Variants in BEND5 observed in about 807,000 individuals in gnomAD.
The protein encoded by BEND5 is BEN domain-containing protein 5.
BEND5 carries 22 observed loss-of-function variants against 43.9 expected under a neutral mutation model. The ratio of observed to expected loss-of-function variants is 0.50; its 90% confidence interval spans 0.36 to 0.72. The LOEUF is 0.72. Among genes scored for constraint, BEND5 ranks in the 30% least tolerant of loss-of-function variants. The pLI, the probability that BEND5 is intolerant of heterozygous loss-of-function variation, is 0.00. For synonymous variants in BEND5, 228 were observed against 225.9 expected, an observed-to-expected ratio of 1.01 and a Z score of -0.08; for missense variants, 428 against 550.6, an observed-to-expected ratio of 0.78 and a Z score of 2.23.
chr1:48,769,018 G>C (rs1037292368), intron 1 of BEND5, among the ~76,000 whole-genome samples: 1 of 152,134 alleles, frequency 6.6e-6, no homozygotes, highest in African/African-American at 2.4e-5. Flanking sequence ...ACACCAAATC[G>C]AGGCCTGCCT....
intron 5 of BEND5, among the ~76,000 whole-genome samples, chr1:48,731,395 T>G (rs1648104426): frequency 6.6e-6 from 1 of 152,172 alleles, no homozygotes; most frequent in African/African-American, 2.4e-5. Flanking sequence ...GCAAGTTAAT[T>G]TCCTTCTCAT....
intron 5 of BEND5, among the ~76,000 whole-genome samples, chr1:48,728,434 C>T (rs1647546745): frequency 6.7e-6 from 1 of 149,920 alleles, no homozygotes; most frequent in Non-Finnish European, 1.5e-5. Context: ...AGTTTATTTT[C>T]CATTTTCAAT....
intron 3 of BEND5, among the ~76,000 whole-genome samples, chr1:48,753,279 G>GA (rs756516123): frequency 1.3e-5 from 2 of 152,220 alleles, no homozygotes; most frequent in Non-Finnish European, 1.5e-5. Context: ...ACCTAGAGGA[G>GA]AAAACAGACA....
At position 48,736,472 on chromosome 1, in the gene BEND5, C is replaced by T. The variant is rs375517406; in HGVS notation, c.895-20G>A. 6.2e-7 allele frequency: 1 copy of T among 1,609,940 alleles called. No individual in the cohort carries two copies. The highest frequency in any genetic ancestry group is 8.5e-7 in the Non-Finnish European group (1 of 1,176,640). ...ATGGACCTGAGAGGAATAAGAACAC[C>T]AGCACCTGTTTAGTCCGACAGGAGG... On this transcript the variant is annotated intron_variant, in intron 4 of 5. Coordinates refer to ENST00000371833, the MANE Select transcript of BEND5 (RefSeq NM_024603.4). The surrounding 1 kb of genome is among the most constrained non-coding windows in gnomAD (Gnocchi z 4.0).
At position 48,776,850 on chromosome 1, in the gene BEND5, G is replaced by T. The variant is rs1231834989; in HGVS notation, c.-19C>A. ...CGTACATGGTGGGCGCCGGGGGCGG[G>T]CCCCGGTCGGGCAGCTCAGCCCGCG... is the stretch of plus-strand genomic sequence containing the variant. On this transcript the variant is annotated 5_prime_UTR_variant, in exon 1 of 6. Transcript: ENST00000371833. 2.7e-6 allele frequency: 4 copies of T among 1,473,034 alleles called. No individual in the cohort carries two copies. Among genetic ancestry groups the T allele is most frequent in the African/African-American group, 1.5e-5 (1 of 67,372 alleles). 91.2% of individuals were successfully genotyped at this position (1,473,034 alleles called of 1,614,324 possible). A position where few individuals can be genotyped will look rare whatever the true frequency, so the allele number is the denominator to read the frequency against.
chr1:48,733,502 A>C (rs1648490735), intron 5 of BEND5, among the ~76,000 whole-genome samples: 1 of 151,712 alleles, frequency 6.6e-6, no homozygotes, highest in Admixed American at 6.5e-5. Flanking sequence ...TGGAAAAAGT[A>C]AAAAAATTTA....
intron 1 of BEND5, among the ~76,000 whole-genome samples, chr1:48,770,282 A>G (rs988200921): frequency 6.6e-6 from 1 of 152,300 alleles, no homozygotes; most frequent in Middle Eastern, 3.4e-3. Flanking sequence ...TGTCTGACCA[A>G]TGAGTGAAAA....
intron 1 of BEND5, among the ~76,000 whole-genome samples, chr1:48,765,535 T>G (rs977818784): frequency 2.0e-5 from 3 of 152,226 alleles, no homozygotes; most frequent in African/African-American, 4.8e-5. Context: ...AACACAGAAT[T>G]ACTATAACCC....
At position 48,759,064 on chromosome 1, in the gene BEND5, T is replaced by C. The variant is rs1180700535; in HGVS notation, c.581A>G (p.Gln194Arg). 2 of 1,613,442 alleles carry C rather than the reference T, an allele frequency of 1.2e-6. No homozygotes were observed. Among genetic ancestry groups the C allele is most frequent in the East Asian group, 2.2e-5 (1 of 44,886 alleles). The change falls in exon 3 of 6, where the codon CAG (glutamine) becomes CGG (arginine). Residue 194 changes from glutamine (Q) to arginine (R), a missense_variant. By Grantham distance (43) the Gln-to-Arg change is conservative (BLOSUM62 1). This residue lies in a region of BEND5 where 243 missense variants were observed against 286.4 expected (regional missense o/e 0.85). Coordinates refer to ENST00000371833, the MANE Select transcript of BEND5 (RefSeq NM_024603.4). ...EELLRNYQQQ[Q>R]EEMRHLQQEL... is the part of the protein sequence containing the mutation. ...CTGCTGGAGGTGGCGCATCTCTTCC[T>C]GTTGCTGCTGGTAGTTGCGCAGCAG... is the stretch of plus-strand genomic sequence containing the variant.
chr1:48,734,066 G>C (rs1433480432), intron 5 of BEND5, among the ~76,000 whole-genome samples: 7 of 152,208 alleles, frequency 4.6e-5, no homozygotes, highest in Non-Finnish European at 1.0e-4. Flanking sequence ...GGGCAGGGCT[G>C]CATCCCCAGG....
chr1:48,730,308 C>T (rs1647893379), intron 5 of BEND5, among the ~76,000 whole-genome samples: 1 of 152,180 alleles, frequency 6.6e-6, no homozygotes, highest in Non-Finnish European at 1.5e-5. Context: ...GTGATGAGAA[C>T]TGCTTAGAAG....
intron 1 of BEND5, among the ~76,000 whole-genome samples, chr1:48,766,748 C>T (rs2148677474): frequency 6.6e-6 from 1 of 152,328 alleles, no homozygotes. Flanking sequence ...CACCTCCTGG[C>T]TCCATCCTAA....
intron 2 of BEND5, 81 bp from the exon 3 acceptor site, chr1:48,759,365 T>A: frequency 1.3e-6 from 2 of 1,485,290 alleles, no homozygotes; most frequent in Non-Finnish European, 1.8e-6. Flanking sequence ...CCCCAGACAA[T>A]CCTAAAATCA....
intron 5 of BEND5, among the ~76,000 whole-genome samples, chr1:48,729,931 G>A (rs938000094): frequency 2.6e-5 from 4 of 152,142 alleles, no homozygotes; most frequent in Admixed American, 6.5e-5. Flanking sequence ...TGTCTCTCCA[G>A]TCCCACCTCT....
chr1:48,740,253 G>A (rs1649705435), intron 4 of BEND5, among the ~76,000 whole-genome samples: 2 of 152,206 alleles, frequency 1.3e-5, no homozygotes. Flanking sequence ...AAGGTCACCT[G>A]GAGCAATGTT....
intron 1 of BEND5, among the ~76,000 whole-genome samples, chr1:48,773,963 C>T (rs1644956938): frequency 6.6e-6 from 1 of 152,252 alleles, no homozygotes; most frequent in South Asian, 2.1e-4. Flanking sequence ...AAACCACCTA[C>T]TATGGGCAGT....
At chr1:48,764,279 C>T (rs1644420021) in intron 1 of BEND5, among the ~76,000 whole-genome samples, 1 of 152,190 alleles carries the variant, frequency 6.6e-6, no homozygotes, top group African/African-American at 2.4e-5. Context: ...TAATTTACTT[C>T]TCTGAGACTA....
In BEND5 at chr1:48,736,423, A is replaced by G. The variant is rs144029105; in HGVS notation, c.924T>C (p.Asp308=). Residue 308 remains aspartate (D), a synonymous_variant, in exon 5 of 6, where the codon GAT becomes GAC. Transcript: ENST00000371833. The surrounding 1 kb of genome is among the most constrained non-coding windows in gnomAD (Gnocchi z 4.0). The part of the protein sequence containing the change: ...KVHLGSGIWV[D]EEKWHQLQVT... ...CTTGTAGCTGGTGCCATTTCTCCTC[A>G]TCAACCCAAATCCCGCTTCCCAGAT... 2 of 1,613,958 alleles carry G rather than the reference A, an allele frequency of 1.2e-6. No individual in the cohort carries two copies. Among genetic ancestry groups the G allele is most frequent in the Non-Finnish European group, 1.7e-6 (2 of 1,180,026 alleles).
intron 5 of BEND5, among the ~76,000 whole-genome samples, chr1:48,734,497 C>T (rs761388001): frequency 1.1e-4 from 16 of 152,306 alleles, no homozygotes; most frequent in Non-Finnish European, 1.0e-4. Context: ...TGCCCTTTGA[C>T]TCCAGCAAAT....
Sources: gnomAD v4.1 joint callset for allele counts (sites outside exome capture counted in the v4.1 genomes callset) on GRCh38, gnomAD v4.1.1 for gene constraint, gnomAD v4.1.1 regional missense constraint, Gnocchi (gnomAD v3.1) non-coding constraint, MANE v1.5 for transcripts, NCBI Gene and HGNC (gene_info 2026-07-23, HGNC 2026-07-21) for gene names.